RELN: variants seen among roughly 807,000 people sequenced by gnomAD.
The protein encoded by RELN is reelin.
RELN carries 108 observed loss-of-function variants against 427.6 expected under a neutral mutation model. That is an observed-to-expected ratio of 0.25 (90% CI 0.22 to 0.30). RELN has a LOEUF of 0.30. Ranked by LOEUF, RELN falls within the 10% of genes least tolerant of loss-of-function variation. The pLI is 1.00. For synonymous variants in RELN, 1,524 were observed against 1,513.4 expected (o/e 1.01, Z -0.16); for missense variants, 3,715 against 4,302.8 (o/e 0.86, Z 3.82).
At chr7:103,537,561 G>C (rs1830081532) in intron 45 of RELN, among the ~76,000 whole-genome samples, 1 of 152,202 alleles carries the variant, frequency 6.6e-6, no homozygotes, top group South Asian at 2.1e-4. Flanking sequence ...TGTATAGAAA[G>C]TACAAGTGAC....
At position 103,618,478 on chromosome 7, in the gene RELN, T is replaced by A. The variant is rs78904194; in HGVS notation, c.2703-6675A>T. 3.9e-3 allele frequency among the ~76,000 whole-genome samples: 587 copies of A among 152,356 alleles called. 4 individuals carry two copies. The highest frequency in any genetic ancestry group is 0.011 in the South Asian group (55 of 4,832). ...TACCCAATACTTCATTTAAAATGTC[T>A]TTATGGATTTCTAAGTGGATAGACA... On this transcript the variant is annotated intron_variant, in intron 20 of 64. Coordinates refer to ENST00000428762, the MANE Select transcript of RELN (RefSeq NM_005045.4).
At chr7:103,931,901 G>T (rs1274827404) in intron 1 of RELN, among the ~76,000 whole-genome samples, 3 of 152,078 alleles carry the variant, frequency 2.0e-5, no homozygotes, top group African/African-American at 4.8e-5. Flanking sequence ...AGGCCAGGAA[G>T]GGCAGTCAAT....
intron 19 of RELN, among the ~76,000 whole-genome samples, chr7:103,630,921 A>C (rs1832449279): frequency 7.0e-6 from 1 of 141,892 alleles, no homozygotes; most frequent in African/African-American, 2.7e-5. Context: ...CCAGGTGACT[A>C]GTTGAATAAC....
chr7:103,836,032 T>G (rs747920415), intron 2 of RELN, among the ~76,000 whole-genome samples: 1 of 151,602 alleles, frequency 6.6e-6, no homozygotes, highest in African/African-American at 2.4e-5. Context: ...CTTGGCTTAC[T>G]GCAACCTGCA....
At chr7:103,517,655 A>G (rs996462155) in intron 49 of RELN, among the ~76,000 whole-genome samples, 2 of 152,170 alleles carry the variant, frequency 1.3e-5, no homozygotes, top group African/African-American at 4.8e-5. Flanking sequence ...GTTATCTCCT[A>G]CTAACAGTTG....
intron 8 of RELN, among the ~76,000 whole-genome samples, chr7:103,710,723 G>T (rs190939036): frequency 6.6e-6 from 1 of 152,288 alleles, no homozygotes; most frequent in East Asian, 1.9e-4. Flanking sequence ...AAATATTACA[G>T]AATTGTTGTC....
Position 103,620,325 on chromosome 7 carries a change from T to C in RELN, c.2703-8522A>G, listed in dbSNP as rs770164683. Reference sequence around the variant, plus strand: ...TATAAATTGTCCAGTCTCAGGTATGTCTTCATCAGCAGCGTGAGAATGGAC... The same window carrying C: ...TATAAATTGTCCAGTCTCAGGTATGCCTTCATCAGCAGCGTGAGAATGGAC... On this transcript the variant is annotated intron_variant, in intron 20 of 64. Coordinates refer to ENST00000428762, the MANE Select transcript of RELN (RefSeq NM_005045.4). This position sits in a 1 kb window ranked among gnomAD's most constrained non-coding sequence, Gnocchi z 4.1. 2.6e-5 allele frequency among the ~76,000 whole-genome samples: 4 copies of C among 152,134 alleles called. No individual in the cohort carries two copies. The highest frequency in any genetic ancestry group is 5.9e-5 in the Non-Finnish European group (4 of 68,028).
chr7:103,885,708 G>A (rs1794712264), intron 2 of RELN, among the ~76,000 whole-genome samples: 1 of 152,146 alleles, frequency 6.6e-6, no homozygotes, highest in Non-Finnish European at 1.5e-5. Flanking sequence ...TGCACGTTCT[G>A]CACATGTATC....
At chr7:103,610,227 CCT>C (rs1246925113) in intron 22 of RELN, among the ~76,000 whole-genome samples, 1 of 152,040 alleles carries the variant, frequency 6.6e-6, no homozygotes, top group Non-Finnish European at 1.5e-5. Flanking sequence ...GCCTCTGTTT[CCT>C]GGGGGATAAT....
intron 10 of RELN, among the ~76,000 whole-genome samples, chr7:103,694,834 T>TA (rs1277064890): frequency 7.1e-6 from 1 of 140,302 alleles, no homozygotes; most frequent in Non-Finnish European, 1.5e-5. Flanking sequence ...TAGTTTTTTT[T>TA]TTTTAATTTT....
At chr7:103,560,294 C>T (rs766972158) in intron 36 of RELN, among the ~76,000 whole-genome samples, 40 of 152,192 alleles carry the variant, frequency 2.6e-4, no homozygotes, top group African/African-American at 6.5e-4. Flanking sequence ...TCCTTTTTCA[C>T]GAAAGAATGA....
intron 11 of RELN, among the ~76,000 whole-genome samples, chr7:103,681,106 A>G (rs917779982): frequency 5.9e-5 from 9 of 152,152 alleles, no homozygotes; most frequent in Non-Finnish European, 1.0e-4. Flanking sequence ...TGTGTCTTTC[A>G]TAGACAAGCT....
chr7:103,688,179 TCATAGTTAA>T lies in RELN; in HGVS notation c.1144-5927_1144-5919del, dbSNP rs1833801708. Among the ~76,000 whole-genome samples, 7 of 152,192 alleles carry T rather than the reference TCATAGTTAA, an allele frequency of 4.6e-5. No individual in the cohort carries two copies. In the South Asian group the frequency reaches 1.5e-3, roughly 32 times the overall value. On this transcript the variant is annotated intron_variant, in intron 10 of 64. Coordinates refer to ENST00000428762, the MANE Select transcript of RELN (RefSeq NM_005045.4). ...ACCATGCTGGAATCTGGCCAGGAAA[TCATAGTTAA>T]CATTCTGATTCTTAATGAAAAAAGA...
At position 103,553,925 on chromosome 7, in the gene RELN, C is replaced by A. The variant is rs1014552082; in HGVS notation, c.5798-94G>T. 1.0e-5 allele frequency: 11 copies of A among 1,054,204 alleles called. No homozygotes were observed. The African/African-American group carries it at 1.6e-4, about 15-fold the overall frequency. The allele number at this position is 1,054,204 out of a possible 1,614,324, so 65.3% of individuals were successfully genotyped here. A position where few individuals can be genotyped will look rare whatever the true frequency, so the allele number is the denominator to read the frequency against. On this transcript the variant is annotated intron_variant, in intron 38 of 64. Coordinates refer to ENST00000428762, the MANE Select transcript of RELN (RefSeq NM_005045.4). The stretch of plus-strand genomic sequence containing the variant: ...AAGAAAGCAAAGGACAAAAGCAACT[C>A]AGTAACAATAGGTTAAACATATGCC...
rs905335265 is a variant in RELN at position 103,563,953 on chromosome 7, T to C, written c.5210+1325A>G. On this transcript the variant is annotated intron_variant, in intron 34 of 64. Transcript: ENST00000428762. This position sits in a 1 kb window ranked among gnomAD's most constrained non-coding sequence, Gnocchi z 4.1. Reference sequence around the variant, plus strand: ...TAATAGGCTAAACCATGAAGGTTTATGTAAGTTCACTCTATGATGTTCACA... The same window carrying C: ...TAATAGGCTAAACCATGAAGGTTTACGTAAGTTCACTCTATGATGTTCACA... 1.3e-5 allele frequency among the ~76,000 whole-genome samples: 2 copies of C among 152,236 alleles called. No homozygotes were observed. The highest frequency in any genetic ancestry group is 2.9e-5 in the Non-Finnish European group (2 of 68,038).
intron 62 of RELN, among the ~76,000 whole-genome samples, chr7:103,483,349 A>C (rs1828308536): frequency 6.6e-6 from 1 of 152,220 alleles, no homozygotes; most frequent in Admixed American, 6.5e-5. Flanking sequence ...GCAGAAAATA[A>C]ATGTTTTCTA....
intron 38 of RELN, among the ~76,000 whole-genome samples, chr7:103,555,575 G>C (rs1830504228): frequency 6.6e-6 from 1 of 152,130 alleles, no homozygotes; most frequent in South Asian, 2.1e-4. Context: ...CAAGTTCAGT[G>C]ATTCTCCTGC....
At chr7:103,748,003 A>AAATG (rs1197194390) in intron 6 of RELN, among the ~76,000 whole-genome samples, 2 of 152,112 alleles carry the variant, frequency 1.3e-5, no homozygotes, top group African/African-American at 4.8e-5. Flanking sequence ...TCACTGAAGA[A>AAATG]AATGAATTAG....
At chr7:103,867,508 C>T (rs959528598) in intron 2 of RELN, among the ~76,000 whole-genome samples, 3 of 152,058 alleles carry the variant, frequency 2.0e-5, no homozygotes, top group Non-Finnish European at 4.4e-5. Context: ...TGTGGAGGAG[C>T]TTCCTATGCA....
Sources: gnomAD v4.1 joint callset for allele counts (sites outside exome capture counted in the v4.1 genomes callset) on GRCh38, gnomAD v4.1.1 for gene constraint, Gnocchi (gnomAD v3.1) non-coding constraint, MANE v1.5 for transcripts, NCBI Gene and HGNC (gene_info 2026-07-23, HGNC 2026-07-21) for gene names.